Variants in ASB5 observed in about 807,000 individuals in gnomAD.
ASB5 encodes the protein ankyrin repeat and SOCS box protein 5.
In ASB5, 45 loss-of-function variants were observed where a neutral mutation model predicts 42.1. The observed-to-expected ratio is 1.07, with a 90% CI of 0.84 to 1.37. The LOEUF is 1.37. ASB5 is among the 40% of genes most tolerant of loss of function. The pLI is 0.00. For synonymous variants in ASB5, 147 were observed against 150.6 expected (o/e 0.98, Z 0.18); for missense variants, 402 against 399.8 (o/e 1.01, Z -0.05).
chr4:176,251,709 C>T (rs571625012), intron 1 of ASB5, among the ~76,000 whole-genome samples: 4 of 150,350 alleles, frequency 2.7e-5, no homozygotes, highest in South Asian at 2.1e-4. Context: ...AAACGATCTT[C>T]GAGTTAATAA....
intron 1 of ASB5, among the ~76,000 whole-genome samples, chr4:176,226,296 C>T (rs1254062719): frequency 2.0e-5 from 3 of 152,190 alleles, no homozygotes; most frequent in Non-Finnish European, 2.9e-5. Flanking sequence ...CCTCCTCCTG[C>T]CCTTGGACAT....
At chr4:176,268,709 A>G (rs1043699056) in intron 1 of ASB5, among the ~76,000 whole-genome samples, 1 of 152,110 alleles carries the variant, frequency 6.6e-6, no homozygotes, top group African/African-American at 2.4e-5. Flanking sequence ...CTCTTTTGCA[A>G]TGATACCTTG....
chr4:176,230,263 A>C (rs1293891557), intron 1 of ASB5, among the ~76,000 whole-genome samples: 1 of 152,232 alleles, frequency 6.6e-6, no homozygotes. Flanking sequence ...TTTTCCCCCA[A>C]GATAGGGAAA....
At chr4:176,264,884 T>A (rs1195324580) in intron 1 of ASB5, among the ~76,000 whole-genome samples, 2 of 152,128 alleles carry the variant, frequency 1.3e-5, no homozygotes, top group African/African-American at 2.4e-5. Context: ...CTTTCTTTCT[T>A]TCTTTTCTTT....
In ASB5 at chr4:176,224,779, T is replaced by A. The variant is rs369766313; in HGVS notation, c.276+483A>T. ...TGTTTTTTATTTTTCCTCTGGTGAGTCTGATGAACAGGCAAATATAGAAAT... is the reference window on the plus strand; with the variant it reads ...TGTTTTTTATTTTTCCTCTGGTGAGACTGATGAACAGGCAAATATAGAAAT... On this transcript the variant is annotated intron_variant, in intron 2 of 6. Transcript: ENST00000296525. Among the ~76,000 whole-genome samples, 22 of 152,288 alleles carry A rather than the reference T, an allele frequency of 1.4e-4. No homozygotes were observed. The East Asian group carries it at 2.3e-3, about 16-fold the overall frequency.
intron 1 of ASB5, among the ~76,000 whole-genome samples, chr4:176,234,965 A>G (rs1753649232): frequency 6.6e-6 from 1 of 152,230 alleles, no homozygotes; most frequent in Non-Finnish European, 1.5e-5. Flanking sequence ...GGGGAATTAA[A>G]TAACTTGCCT....
intron 1 of ASB5, among the ~76,000 whole-genome samples, chr4:176,226,614 C>A (rs1163779375): frequency 2.6e-5 from 4 of 152,144 alleles, no homozygotes; most frequent in Admixed American, 6.5e-5. Flanking sequence ...CTCTGGAGAA[C>A]CCTGACTAAT....
At chr4:176,249,639 G>C (rs1579328646) in intron 1 of ASB5, 1 of 152,298 alleles carries the variant, frequency 6.6e-6, no homozygotes, top group African/African-American at 2.4e-5. Context: ...AGAAGACCTA[G>C]GAAATTTCTC....
At chr4:176,268,465 C>T (rs1029473949) in intron 1 of ASB5, among the ~76,000 whole-genome samples, 1 of 152,072 alleles carries the variant, frequency 6.6e-6, no homozygotes, top group African/African-American at 2.4e-5. Flanking sequence ...TTGAAATCCC[C>T]TCTTTTTAAT....
Position 176,257,838 on chromosome 4 carries a change from C to T in ASB5, c.196+11075G>A, listed in dbSNP as rs546757459. The stretch of plus-strand genomic sequence containing the variant: ...AATTCTGCTTCTTCTAGTTACTACC[C>T]GAAAAAACTGACAACTTACTAAGCT... On this transcript the variant is annotated intron_variant, in intron 1 of 6. Transcript: ENST00000296525. Among the ~76,000 whole-genome samples the T allele has an allele frequency of 3.3e-5, 5 of 152,100 alleles. No homozygotes were observed. The East Asian group carries it at 5.8e-4, about 18-fold the overall frequency.
At chr4:176,275,055 C>T (rs1196880281) in intron 2 of ASB5, among the ~76,000 whole-genome samples, 1 of 151,826 alleles carries the variant, frequency 6.6e-6, no homozygotes, top group Non-Finnish European at 1.5e-5. Context: ...CCTGGGATTA[C>T]AGGCGCATGC....
intron 1 of ASB5, among the ~76,000 whole-genome samples, chr4:176,231,456 G>A (rs989534292): frequency 2.6e-5 from 4 of 151,588 alleles, no homozygotes; most frequent in African/African-American, 9.7e-5. Flanking sequence ...TACAGTATGT[G>A]CCCTGAATTG....
intron 1 of ASB5, among the ~76,000 whole-genome samples, chr4:176,265,360 C>A (rs1026148357): frequency 3.3e-5 from 5 of 152,176 alleles, no homozygotes; most frequent in Admixed American, 3.3e-4. Context: ...ATGACCCATT[C>A]ATTCTTTAGA....
At chr4:176,260,631 T>C (rs981642790) in intron 1 of ASB5, among the ~76,000 whole-genome samples, 6 of 152,188 alleles carry the variant, frequency 3.9e-5, no homozygotes. Context: ...TTGTTCCCTA[T>C]GCAGCTGATA....
chr4:176,271,505 G>C (rs1754467684), upstream of ASB5, among the ~76,000 whole-genome samples: 1 of 152,246 alleles, frequency 6.6e-6, no homozygotes, highest in South Asian at 2.1e-4. Context: ...CATGTTGAGA[G>C]ACTGTGGTAG....
intron 2 of ASB5, among the ~76,000 whole-genome samples, 153 bp downstream of exon 2, chr4:176,225,109 T>A (rs1042057689): frequency 6.6e-6 from 1 of 152,210 alleles, no homozygotes; most frequent in Admixed American, 6.5e-5. Flanking sequence ...GTTTCAAAGA[T>A]AAGTGAGAAA....
intron 1 of ASB5, among the ~76,000 whole-genome samples, chr4:176,265,277 C>T (rs1053909798): frequency 6.6e-6 from 1 of 152,272 alleles, no homozygotes; most frequent in Admixed American, 6.5e-5. Context: ...TAAATCCATG[C>T]CTTGCTCATT....
At chr4:176,263,722 C>T (rs887290235) in intron 1 of ASB5, among the ~76,000 whole-genome samples, 4 of 152,088 alleles carry the variant, frequency 2.6e-5, no homozygotes, top group African/African-American at 7.2e-5. Flanking sequence ...ATTCTCAGAA[C>T]GTCCCTAAGA....
At chr4:176,260,731 T>G (rs1019998301) in intron 1 of ASB5, among the ~76,000 whole-genome samples, 2 of 152,160 alleles carry the variant, frequency 1.3e-5, no homozygotes, top group African/African-American at 4.8e-5. Flanking sequence ...AGGCTAGAGT[T>G]CAGTGGCGCA....
Sources: allele counts gnomAD v4.1 joint callset (sites outside exome capture counted in the v4.1 genomes callset), GRCh38; gene constraint gnomAD v4.1.1; transcripts MANE v1.5; gene names NCBI Gene and HGNC (gene_info 2026-07-23, HGNC 2026-07-21).